Variants in PTER observed in about 807,000 individuals in gnomAD.
The protein encoded by PTER is phosphotriesterase related.
Under a neutral mutation model 29.6 loss-of-function variants are expected in PTER, and 38 were observed. The observed-to-expected ratio is 1.28, with a 90% CI of 0.99 to 1.68. The LOEUF is 1.68. PTER is among the 40% of genes most tolerant of loss of function. The pLI is 0.00. For missense variants in PTER, 482 were observed against 427.8 expected (o/e 1.13, Z -1.12); for synonymous variants, 172 against 154.5 (o/e 1.11, Z -0.84).
chr10:16,482,099 T>C (rs1204554333), intron 1 of PTER, among the ~76,000 whole-genome samples: 1 of 152,218 alleles, frequency 6.6e-6, no homozygotes, highest in Non-Finnish European at 1.5e-5. Context: ...AAGTTTGGCT[T>C]CCAGAAAGGC....
At chr10:16,476,399 T>C (rs1835264688) in intron 1 of PTER, among the ~76,000 whole-genome samples, 1 of 152,028 alleles carries the variant, frequency 6.6e-6, no homozygotes, top group African/African-American at 2.4e-5. Flanking sequence ...CTTATTTAAG[T>C]GGTGCTTTTA....
intron 1 of PTER, among the ~76,000 whole-genome samples, chr10:16,460,705 G>T (rs960893400): frequency 6.6e-6 from 1 of 152,028 alleles, no homozygotes; most frequent in Middle Eastern, 3.2e-3. Flanking sequence ...AATTATTAAA[G>T]TTGCAGATAT....
intron 1 of PTER, among the ~76,000 whole-genome samples, chr10:16,441,888 CT>C (rs376704985): frequency 1.0e-3 from 149 of 146,088 alleles, no homozygotes; most frequent in Non-Finnish European, 1.2e-3. Flanking sequence ...CATAATCAGC[CT>C]TTTTTTTTTT....
chr10:16,493,281 C>G (rs185766850), intron 3 of PTER, among the ~76,000 whole-genome samples: 32 of 152,224 alleles, frequency 2.1e-4, no homozygotes, highest in Admixed American at 2.0e-3. Context: ...AAATGTTTGA[C>G]AAACTGAAAC....
chr10:16,499,054 A>T (rs1273856119), intron 3 of PTER, among the ~76,000 whole-genome samples: 1 of 152,206 alleles, frequency 6.6e-6, no homozygotes, highest in Non-Finnish European at 1.5e-5. Context: ...GTTTAAGAAC[A>T]CGGCCTCAAC....
chr10:16,503,065 C>CTTTTTTTTTTTTTTTT (rs541383811), intron 3 of PTER, among the ~76,000 whole-genome samples: 2 of 69,418 alleles, frequency 2.9e-5, no homozygotes, highest in Non-Finnish European at 4.8e-5. Flanking sequence ...CATGATAGTG[C>CTTTTTTTTTTTTTTTT]TTTTTTTTTT....
chr10:16,481,687 A>C (rs752355487), intron 1 of PTER, among the ~76,000 whole-genome samples: 6 of 152,178 alleles, frequency 3.9e-5, no homozygotes, highest in Non-Finnish European at 8.8e-5. Flanking sequence ...GTGAGCTTGA[A>C]ACGTACCAAC....
chr10:16,451,811 C>T (rs773716685), intron 1 of PTER, among the ~76,000 whole-genome samples: 80 of 152,046 alleles, frequency 5.3e-4, no homozygotes, highest in Non-Finnish European at 9.9e-4. Flanking sequence ...TTATTACCCC[C>T]CAGAAAAGGA....
intron 3 of PTER, among the ~76,000 whole-genome samples, chr10:16,495,358 C>T (rs1353055214): frequency 3.9e-5 from 6 of 151,966 alleles, no homozygotes; most frequent in South Asian, 2.1e-4. Context: ...TTAGTAGAGA[C>T]GAGGTTTTGC....
chr10:16,471,478 C>T (rs903942798), intron 1 of PTER, among the ~76,000 whole-genome samples: 1 of 152,024 alleles, frequency 6.6e-6, no homozygotes, highest in Non-Finnish European at 1.5e-5. Context: ...AAAAAATGGT[C>T]GATCTTCACT....
chr10:16,478,522 C>T (rs889129277), intron 1 of PTER, among the ~76,000 whole-genome samples: 2 of 151,826 alleles, frequency 1.3e-5, no homozygotes, highest in African/African-American at 2.4e-5. Flanking sequence ...TTAGTGGAGA[C>T]GGGGTTTTAC....
At chr10:16,501,179 C>A (rs1339060726) in intron 3 of PTER, among the ~76,000 whole-genome samples, 2 of 152,028 alleles carry the variant, frequency 1.3e-5, no homozygotes, top group Non-Finnish European at 2.9e-5. Context: ...GATCCACCTG[C>A]CTCAGCCTCC....
intron 4 of PTER, among the ~76,000 whole-genome samples, chr10:16,507,903 T>A (rs1204987395): frequency 6.6e-6 from 1 of 152,166 alleles, no homozygotes; most frequent in Non-Finnish European, 1.5e-5. Context: ...CCTAAAGCCC[T>A]AGTAGTTAGT....
intron 1 of PTER, among the ~76,000 whole-genome samples, chr10:16,470,560 G>C (rs1835008955): frequency 6.6e-6 from 1 of 152,172 alleles, no homozygotes; most frequent in Admixed American, 6.5e-5. Flanking sequence ...TTGAGGTCAG[G>C]AGTTCAAGAC....
intron 1 of PTER, among the ~76,000 whole-genome samples, chr10:16,471,622 C>T (rs1213897638): frequency 1.3e-5 from 2 of 152,128 alleles, no homozygotes; most frequent in Non-Finnish European, 2.9e-5. Context: ...TTTGCTTTTT[C>T]AGGTAATAAG....
downstream of PTER, among the ~76,000 whole-genome samples, chr10:16,517,207 A>G (rs1836965056): frequency 6.6e-6 from 1 of 152,178 alleles, no homozygotes; most frequent in Non-Finnish European, 1.5e-5. Context: ...AATTTACTCT[A>G]ATATCTTTTC....
At chr10:16,484,243 T>C (rs1835592447) in intron 1 of PTER, 94 bp from the exon 2 acceptor site, 1 of 750,444 alleles carries the variant, frequency 1.3e-6, no homozygotes, top group South Asian at 2.0e-5. Context: ...CTTACATGGG[T>C]ATATGTTCAC....
intron 3 of PTER, among the ~76,000 whole-genome samples, chr10:16,493,599 T>C (rs1464131588): frequency 6.6e-6 from 1 of 152,058 alleles, no homozygotes; most frequent in African/African-American, 2.4e-5. Flanking sequence ...TAAAGTGTTA[T>C]GCAAAATTTC....
intron 1 of PTER, among the ~76,000 whole-genome samples, chr10:16,467,910 A>C (rs973881486): frequency 1.3e-5 from 2 of 152,200 alleles, no homozygotes; most frequent in Non-Finnish European, 1.5e-5. Context: ...CCAGAGCCCA[A>C]ACACTTTGGG....
Sources: allele counts gnomAD v4.1 joint callset (sites outside exome capture counted in the v4.1 genomes callset), GRCh38; gene constraint gnomAD v4.1.1; transcripts MANE v1.5; gene names NCBI Gene and HGNC (gene_info 2026-07-23, HGNC 2026-07-21).